ADAM18: variants seen among roughly 807,000 people sequenced by gnomAD.
The protein encoded by ADAM18 is disintegrin and metalloproteinase domain-containing protein 18.
A neutral mutation model predicts 94.4 loss-of-function variants in ADAM18; 117 were observed. The ratio of observed to expected loss-of-function variants is 1.24; its 90% CI spans 1.07 to 1.45. ADAM18 has a LOEUF of 1.45. ADAM18 is among the 40% of genes most tolerant of loss of function. The pLI, the probability that ADAM18 is intolerant of heterozygous loss-of-function variation, is 0.00. For synonymous variants in ADAM18, 327 were observed against 291.6 expected, an observed-to-expected ratio of 1.12 and a Z score of -1.24; for missense variants, 936 against 880.0, an observed-to-expected ratio of 1.06 and a Z score of -0.81.
Position 39,585,270 on chromosome 8 carries a change from C to A in ADAM18, c.56-6C>A. ...AGACAAAAACAAACACATTTTCTTA[C>A]TGCAGGTTCTGAAGGAATATTTCTG... On this transcript the variant is annotated splice_region_variant and splice_polypyrimidine_tract_variant and intron_variant, in intron 1 of 19. Coordinates refer to ENST00000265707, the MANE Select transcript of ADAM18 (RefSeq NM_014237.3). 6.2e-7 allele frequency: 1 copy of A among 1,608,888 alleles called. No homozygotes were observed. Among genetic ancestry groups the A allele is most frequent in the Non-Finnish European group, 8.5e-7 (1 of 1,176,818 alleles).
intron 6 of ADAM18, among the ~76,000 whole-genome samples, chr8:39,626,799 A>G (rs1819782359): frequency 6.6e-6 from 1 of 152,128 alleles, no homozygotes; most frequent in Non-Finnish European, 1.5e-5. Context: ...TAAAAAATTT[A>G]TTGAGACTTA....
At chr8:39,683,555 C>T (rs982256155) in intron 16 of ADAM18, among the ~76,000 whole-genome samples, 2 of 152,198 alleles carry the variant, frequency 1.3e-5, no homozygotes, top group Admixed American at 1.3e-4. Flanking sequence ...TGTAAGTGAG[C>T]AAGTTTCTTC....
intron 16 of ADAM18, among the ~76,000 whole-genome samples, chr8:39,684,387 T>C (rs939687051): frequency 6.6e-6 from 1 of 152,202 alleles, no homozygotes; most frequent in African/African-American, 2.4e-5. Context: ...TTGTTAACTA[T>C]ATAAACTGTG....
At chr8:39,600,451 A>T (rs543159399) in intron 2 of ADAM18, among the ~76,000 whole-genome samples, 1 of 152,292 alleles carries the variant, frequency 6.6e-6, no homozygotes, top group African/African-American at 2.4e-5. Context: ...GGCATAAAAT[A>T]AGGTATATCT....
chr8:39,720,070 AGAT>A (rs67923501), intron 18 of ADAM18, among the ~76,000 whole-genome samples: 60,525 of 150,912 alleles, frequency 0.4, 13,728 homozygotes, highest in Non-Finnish European at 0.52. Context: ...ATAAATCAAC[AGAT>A]GATGGCTAAA....
At position 39,677,465 on chromosome 8, in the gene ADAM18, A is replaced by G; in HGVS notation, c.1560A>G (p.Glu520=). Residue 520 remains glutamate (E), a synonymous_variant, in exon 15 of 20, where the codon GAA becomes GAG. Transcript: ENST00000265707. The stretch of plus-strand genomic sequence containing the variant: ...GTGCTCCATTTGCCTGTTTTAAAGA[A>G]GTTAATTCTCTGCATGAAAGATCTG... ...AQGAPFACFK[E]VNSLHERSEN... 1.2e-6 allele frequency: 2 copies of G among 1,610,190 alleles called. No individual in the cohort carries two copies. The highest frequency in any genetic ancestry group is 1.7e-5 in the Admixed American group (1 of 58,826).
chr8:39,649,043 A>G (rs1197330543), intron 12 of ADAM18, among the ~76,000 whole-genome samples: 1 of 152,158 alleles, frequency 6.6e-6, no homozygotes, highest in Non-Finnish European at 1.5e-5. Context: ...TTCATCAATC[A>G]AATGTTCAAT....
At chr8:39,665,941 T>A (rs1820984005) in intron 13 of ADAM18, among the ~76,000 whole-genome samples, 1 of 152,196 alleles carries the variant, frequency 6.6e-6, no homozygotes, top group African/African-American at 2.4e-5. Flanking sequence ...CTATTTTCTT[T>A]TGCAGATTTC....
At chr8:39,696,591 A>T (rs1264858816) in intron 17 of ADAM18, among the ~76,000 whole-genome samples, 1 of 151,468 alleles carries the variant, frequency 6.6e-6, no homozygotes, top group Non-Finnish European at 1.5e-5. Context: ...TTACATATGG[A>T]TATACACTTT....
intron 2 of ADAM18, among the ~76,000 whole-genome samples, chr8:39,603,760 T>C (rs991939510): frequency 2.0e-5 from 3 of 152,236 alleles, no homozygotes; most frequent in African/African-American, 7.2e-5. Flanking sequence ...AATTTTGAAG[T>C]AGTAGTTTTT....
At chr8:39,596,823 C>G (rs1585879629) in intron 2 of ADAM18, among the ~76,000 whole-genome samples, 1 of 152,312 alleles carries the variant, frequency 6.6e-6, no homozygotes, top group East Asian at 1.9e-4. Context: ...GGCTCCTCAT[C>G]TTTACTTCAA....
chr8:39,643,142 G>A (rs113307047), intron 10 of ADAM18, among the ~76,000 whole-genome samples: 2,524 of 152,224 alleles, frequency 0.017, 33 homozygotes, highest in Middle Eastern at 0.031. Flanking sequence ...TGTATTCTAA[G>A]ACTTTGCTGA....
chr8:39,642,511 A>G (rs1820263214), intron 10 of ADAM18, among the ~76,000 whole-genome samples: 1 of 151,826 alleles, frequency 6.6e-6, no homozygotes, highest in South Asian at 2.1e-4. Context: ...TTAAATAGAG[A>G]ATTCTTTCCC....
chr8:39,676,664 C>A (rs1336904943), intron 14 of ADAM18, among the ~76,000 whole-genome samples: 1 of 152,194 alleles, frequency 6.6e-6, no homozygotes, highest in South Asian at 2.1e-4. Flanking sequence ...ACTGTCCAAC[C>A]AGTCCCAGTG....
At chr8:39,655,046 T>C (rs908777049) in intron 12 of ADAM18, among the ~76,000 whole-genome samples, 3 of 152,146 alleles carry the variant, frequency 2.0e-5, no homozygotes, top group African/African-American at 7.2e-5. Flanking sequence ...CTTGATGTAA[T>C]CCCATCCATT....
intron 12 of ADAM18, among the ~76,000 whole-genome samples, chr8:39,651,019 A>G (rs1424659528): frequency 6.6e-6 from 1 of 152,234 alleles, no homozygotes; most frequent in African/African-American, 2.4e-5. Flanking sequence ...GTGGCAGGAC[A>G]ATAGGGTAAG....
At chr8:39,692,430 T>A (rs985058017) in intron 16 of ADAM18, among the ~76,000 whole-genome samples, 170 bp from the exon 17 acceptor site, 7 of 151,746 alleles carry the variant, frequency 4.6e-5, no homozygotes, top group Non-Finnish European at 1.0e-4. Context: ...TTTTTGTATT[T>A]TTGTATCAAT....
chr8:39,640,199 C>A (rs776031343), intron 10 of ADAM18, among the ~76,000 whole-genome samples: 1 of 152,034 alleles, frequency 6.6e-6, no homozygotes, highest in Non-Finnish European at 1.5e-5. Context: ...CAACCTCCAA[C>A]AGGCTCCAGT....
At chr8:39,711,180 A>G (rs1822386022) in intron 18 of ADAM18, among the ~76,000 whole-genome samples, 1 of 152,220 alleles carries the variant, frequency 6.6e-6, no homozygotes, top group African/African-American at 2.4e-5. Context: ...CAGTGACTAC[A>G]AAGCCAAAAA....
Sources: allele counts gnomAD v4.1 joint callset (sites outside exome capture counted in the v4.1 genomes callset), GRCh38; gene constraint gnomAD v4.1.1; transcripts MANE v1.5; gene names NCBI Gene and HGNC (gene_info 2026-07-23, HGNC 2026-07-21).